Variants in LRP1B observed in about 807,000 individuals in gnomAD.
The protein encoded by LRP1B is low-density lipoprotein receptor-related protein 1B.
A neutral mutation model predicts 556.6 loss-of-function variants in LRP1B; 217 were observed. The observed-to-expected ratio is 0.39, with a 90% CI of 0.35 to 0.44. LRP1B has a LOEUF of 0.44. Ranked by LOEUF, LRP1B falls within the 20% of genes least tolerant of loss-of-function variation. LRP1B has a pLI of 1.00. For synonymous variants in LRP1B, 2,047 were observed against 1,865.8 expected, an observed-to-expected ratio of 1.10 and a Z score of -2.50; for missense variants, 5,053 against 5,620.8, an observed-to-expected ratio of 0.90 and a Z score of 3.23.
intron 3 of LRP1B, among the ~76,000 whole-genome samples, chr2:141,323,052 G>C (rs1180388047): frequency 6.6e-6 from 1 of 152,074 alleles, no homozygotes; most frequent in Non-Finnish European, 1.5e-5. Flanking sequence ...AAAATGCTTA[G>C]GAAAAGGAGT....
At chr2:141,369,183 A>T (rs1393086099) in intron 3 of LRP1B, among the ~76,000 whole-genome samples, 1 of 152,164 alleles carries the variant, frequency 6.6e-6, no homozygotes, top group Non-Finnish European at 1.5e-5. Context: ...AGGAACAAAG[A>T]TTATTTAAAA....
At chr2:140,557,896 C>G (rs1032976148) in intron 43 of LRP1B, among the ~76,000 whole-genome samples, 7 of 152,102 alleles carry the variant, frequency 4.6e-5, no homozygotes, top group African/African-American at 1.7e-4. Flanking sequence ...TATCTGTCTT[C>G]CCAGGAATAT....
At position 141,973,516 on chromosome 2, in the gene LRP1B, A is replaced by T. The variant is rs554202008; in HGVS notation, c.82+157132T>A. Among the ~76,000 whole-genome samples the T allele has an allele frequency of 7.2e-4, 109 of 151,932 alleles. 2 individuals are homozygous for T. In the South Asian group the frequency reaches 0.021, roughly 30 times the overall value. ...TATCTGTTTCTTCAGTGTTACATTG[A>T]TTCACATTTAATCTGTGGCTGTTAA... On this transcript the variant is annotated intron_variant, in intron 1 of 90. Coordinates refer to ENST00000389484, the MANE Select transcript of LRP1B (RefSeq NM_018557.3).
At chr2:141,856,049 C>T (rs751928129) in intron 1 of LRP1B, among the ~76,000 whole-genome samples, 10 of 152,090 alleles carry the variant, frequency 6.6e-5, no homozygotes, top group Non-Finnish European at 1.2e-4. Flanking sequence ...TAAGTGCTTT[C>T]CCTTTTCATC....
chr2:141,873,040 T>C (rs1020935814), intron 1 of LRP1B, among the ~76,000 whole-genome samples: 14 of 151,998 alleles, frequency 9.2e-5, no homozygotes, highest in African/African-American at 3.1e-4. Flanking sequence ...AAATGAATAA[T>C]GGTGAGTGTT....
intron 85 of LRP1B, among the ~76,000 whole-genome samples, chr2:140,273,597 T>C (rs2104950052): frequency 6.6e-6 from 1 of 152,176 alleles, no homozygotes; most frequent in Admixed American, 6.6e-5. Context: ...TGGTGAGCTC[T>C]CAGCGGAAGC....
chr2:140,421,912 C>T (rs1242479896), intron 66 of LRP1B, among the ~76,000 whole-genome samples: 1 of 152,156 alleles, frequency 6.6e-6, no homozygotes, highest in African/African-American at 2.4e-5. Flanking sequence ...CCCTTTCCAT[C>T]CTGCAGACGA....
chr2:140,562,881 G>A (rs1261713349), intron 43 of LRP1B, among the ~76,000 whole-genome samples: 1 of 152,044 alleles, frequency 6.6e-6, no homozygotes, highest in African/African-American at 2.4e-5. Context: ...GTCCCAAAGT[G>A]CTAGGATTAC....
chr2:141,163,821 A>G (rs972944298), intron 7 of LRP1B, among the ~76,000 whole-genome samples: 4 of 151,986 alleles, frequency 2.6e-5, no homozygotes, highest in African/African-American at 9.7e-5. Context: ...TCTCAGGTAT[A>G]TTTTTATCTG....
At chr2:142,077,981 T>C (rs1167503767) in intron 1 of LRP1B, among the ~76,000 whole-genome samples, 1 of 152,156 alleles carries the variant, frequency 6.6e-6, no homozygotes, top group Admixed American at 6.6e-5. Flanking sequence ...CACCCAGAAA[T>C]GCACACAATG....
At chr2:141,994,949 A>AT (rs1459731048) in intron 1 of LRP1B, among the ~76,000 whole-genome samples, 1 of 152,100 alleles carries the variant, frequency 6.6e-6, no homozygotes, top group Non-Finnish European at 1.5e-5. Context: ...GTATTAGCAC[A>AT]TATATAGCAC....
chr2:141,709,583 T>C (rs1169290254), intron 2 of LRP1B, among the ~76,000 whole-genome samples: 1 of 152,096 alleles, frequency 6.6e-6, no homozygotes. Context: ...TTGAAATGTA[T>C]TGAGATAGAA....
chr2:141,350,133 G>A (rs1043695437), intron 3 of LRP1B, among the ~76,000 whole-genome samples: 1 of 151,988 alleles, frequency 6.6e-6, no homozygotes, highest in Non-Finnish European at 1.5e-5. Context: ...ACTCACCCCC[G>A]TGATTCAATT....
chr2:141,218,251 A>C (rs1682895031), intron 6 of LRP1B, among the ~76,000 whole-genome samples: 1 of 152,230 alleles, frequency 6.6e-6, no homozygotes, highest in African/African-American at 2.4e-5. Context: ...CTAAAAACAG[A>C]ATTACTATTC....
intron 2 of LRP1B, among the ~76,000 whole-genome samples, chr2:141,679,344 G>GT (rs1315075499): frequency 6.6e-6 from 1 of 152,076 alleles, no homozygotes; most frequent in Non-Finnish European, 1.5e-5. Context: ...TAAATGTTTC[G>GT]TTTTAAGTCA....
At chr2:141,905,468 C>A (rs1433562017) in intron 1 of LRP1B, among the ~76,000 whole-genome samples, 1 of 150,924 alleles carries the variant, frequency 6.6e-6, no homozygotes, top group East Asian at 2.0e-4. Flanking sequence ...CTTTTTTTTT[C>A]AAGTTATAAC....
chr2:140,895,919 T>G (rs1030544923), intron 23 of LRP1B, among the ~76,000 whole-genome samples: 4 of 152,058 alleles, frequency 2.6e-5, no homozygotes, highest in Non-Finnish European at 5.9e-5. Context: ...AGCCTGGGGT[T>G]TTCATGAGTA....
intron 1 of LRP1B, among the ~76,000 whole-genome samples, chr2:142,118,708 C>T (rs1200232413): frequency 2.6e-5 from 4 of 152,018 alleles, no homozygotes; most frequent in Non-Finnish European, 5.9e-5. Context: ...TACAAGTAAC[C>T]CTTCCCCTTT....
chr2:140,267,934 CA>C (rs975304231), intron 86 of LRP1B, among the ~76,000 whole-genome samples: 4 of 129,846 alleles, frequency 3.1e-5, no homozygotes, highest in Non-Finnish European at 5.6e-5. Flanking sequence ...TTGGTAAGAG[CA>C]AAAAGTGGAA....
Sources: allele counts gnomAD v4.1 joint callset (sites outside exome capture counted in the v4.1 genomes callset), GRCh38; gene constraint gnomAD v4.1.1; transcripts MANE v1.5; gene names NCBI Gene and HGNC (gene_info 2026-07-23, HGNC 2026-07-21).